MYCBP2: variants seen among roughly 807,000 people sequenced by gnomAD.
MYCBP2 encodes MYC binding protein 2.
A neutral mutation model predicts 525.3 loss-of-function variants in MYCBP2; 120 were observed. The observed-to-expected ratio is 0.23, with a 90% CI of 0.20 to 0.27. The LOEUF (loss-of-function observed/expected upper bound fraction) is 0.27, where lower values mean the gene tolerates loss of function less well. Ranked by LOEUF, MYCBP2 falls within the 10% of genes least tolerant of loss-of-function variation. The probability of loss-of-function intolerance (pLI) is 1.00; values close to 1 mark genes in which losing one functional copy is unlikely to be tolerated. For missense variants in MYCBP2, 4,149 were observed against 5,657.1 expected, an observed-to-expected ratio of 0.73 and a Z score of 8.55; for synonymous variants, 1,894 against 1,955.8, an observed-to-expected ratio of 0.97 and a Z score of 0.83.
chr13:77,292,975 A>T (rs2077654761), intron 2 of MYCBP2, among the ~76,000 whole-genome samples: 1 of 151,128 alleles, frequency 6.6e-6, no homozygotes, highest in Non-Finnish European at 1.5e-5. Context: ...AAAAAAAAAA[A>T]AAGAAAGAAA....
At chr13:77,302,649 C>T (rs1261917987) in intron 1 of MYCBP2, among the ~76,000 whole-genome samples, 1 of 152,112 alleles carries the variant, frequency 6.6e-6, no homozygotes, top group Non-Finnish European at 1.5e-5. Flanking sequence ...GAAGGAAAGT[C>T]TTCCTTTAAT....
At chr13:77,155,504 G>A (rs901610980) in intron 46 of MYCBP2, among the ~76,000 whole-genome samples, 6 of 152,028 alleles carry the variant, frequency 3.9e-5, no homozygotes, top group Admixed American at 6.5e-5. Flanking sequence ...AAATAATTAT[G>A]TATAATATGC....
Position 77,078,908 on chromosome 13 carries a change from A to C in MYCBP2, c.11419-19T>G. 1 of 1,586,514 alleles carries C rather than the reference A, an allele frequency of 6.3e-7. No homozygotes were observed. The stretch of plus-strand genomic sequence containing the variant: ...CTTTATTCTGAAATAGACAATTCAC[A>C]ATAGTTAATATGCTATATTCCTGCT... On this transcript the variant is annotated intron_variant, in intron 65 of 82. Transcript: ENST00000544440.
chr13:77,315,734 A>C (rs1200574052), intron 1 of MYCBP2, among the ~76,000 whole-genome samples: 2 of 151,990 alleles, frequency 1.3e-5, no homozygotes, highest in African/African-American at 4.8e-5. Context: ...ATCTCTACTA[A>C]AAATACAAAA....
chr13:77,117,039 TTTTCC>T (rs1566591337), intron 55 of MYCBP2, among the ~76,000 whole-genome samples: 1 of 152,042 alleles, frequency 6.6e-6, no homozygotes, highest in Non-Finnish European at 1.5e-5. Flanking sequence ...ATCCTGATAT[TTTTCC>T]TTTGTTTTTC....
At chr13:77,113,091 A>T (rs973675406) in intron 55 of MYCBP2, among the ~76,000 whole-genome samples, 1 of 152,170 alleles carries the variant, frequency 6.6e-6, no homozygotes, top group African/African-American at 2.4e-5. Context: ...TGGACTCAAT[A>T]AAATACTTTG....
Position 77,267,899 on chromosome 13 carries a change from C to T in MYCBP2, c.1299G>A (p.Met433Ile). ...LLYRDVNNHS[M>I]TAIRISPETL... is the part of the protein sequence containing the mutation. ...TTTCAGGGCTTATCCTTATGGCTGT[C>T]ATGCTGTGGTTATTCACATCTCTAT... The change falls in exon 8 of 83, where the codon ATG (methionine) becomes ATA (isoleucine). Residue 433 changes from methionine to isoleucine, a missense_variant. Transcript: ENST00000544440. The T allele has an allele frequency of 6.2e-7, 1 of 1,613,846 alleles. No homozygotes were observed. The highest frequency in any genetic ancestry group is 8.5e-7 in the Non-Finnish European group (1 of 1,179,886).
intron 27 of MYCBP2, among the ~76,000 whole-genome samples, chr13:77,193,952 A>C (rs1262364993): frequency 6.6e-6 from 1 of 152,176 alleles, no homozygotes; most frequent in Non-Finnish European, 1.5e-5. Context: ...GACTTATGAA[A>C]TAAATTTATG....
In MYCBP2 at chr13:77,191,785, G is replaced by T. The variant is rs1044790769; in HGVS notation, c.3964C>A (p.Pro1322Thr). Reference sequence around the variant, plus strand: ...CACCACCCAGCTTGCAGGAGAACAGGCTCATCAAACATCATTGCATATTTT... The same window carrying T: ...CACCACCCAGCTTGCAGGAGAACAGTCTCATCAAACATCATTGCATATTTT... ...REKYAMMFDE[P>T]VLLQAGWWYV... Residue 1322 changes from proline to threonine, a missense_variant, in exon 28 of 83, where the codon CCT (proline) becomes ACT (threonine). Physicochemically the swap from Pro to Thr is conservative, Grantham distance 38. This residue lies in a region of MYCBP2 where 620 missense variants were observed against 795.5 expected (regional missense o/e 0.78). Coordinates refer to ENST00000544440, the MANE Select transcript of MYCBP2 (RefSeq NM_015057.5). 7 of 1,613,858 alleles carry T rather than the reference G, an allele frequency of 4.3e-6. No homozygotes were observed. Among genetic ancestry groups the T allele is most frequent in the Middle Eastern group, 1.6e-4 (1 of 6,082 alleles).
At chr13:77,270,129 A>T in intron 6 of MYCBP2, 66 bp from the exon 7 acceptor site, 2 of 1,496,900 alleles carry the variant, frequency 1.3e-6, no homozygotes. Flanking sequence ...AAAATAATAC[A>T]AATGGGTGAA....
chr13:77,062,367 A>C (rs1270387519), intron 74 of MYCBP2, among the ~76,000 whole-genome samples: 1 of 152,224 alleles, frequency 6.6e-6, no homozygotes, highest in African/African-American at 2.4e-5. Flanking sequence ...AGAAGAAGAA[A>C]GCTCTTTAAT....
intron 33 of MYCBP2, 32 bp from the exon 34 acceptor site, chr13:77,180,350 T>A (rs767633325): frequency 6.3e-7 from 1 of 1,592,272 alleles, no homozygotes; most frequent in Admixed American, 1.7e-5. Flanking sequence ...TCTAAGGTAT[T>A]GTTTTATTTT....
intron 78 of MYCBP2, among the ~76,000 whole-genome samples, chr13:77,057,834 CTTTTTTTTTTTT>C (rs11419165): frequency 8.3e-6 from 1 of 121,110 alleles, no homozygotes; most frequent in Non-Finnish European, 1.7e-5. Context: ...CAATCAACTG[CTTTTTTTTTTTT>C]TTTTTTTTTT....
intron 76 of MYCBP2, 40 bp from the exon 77 acceptor site, chr13:77,059,666 GT>G: frequency 7.0e-7 from 1 of 1,431,616 alleles, no homozygotes; most frequent in Non-Finnish European, 9.9e-7. Flanking sequence ...TCTTATGGAT[GT>G]TTTCTAGATA....
chr13:77,143,192 T>C (rs770732257), intron 49 of MYCBP2, among the ~76,000 whole-genome samples: 7 of 152,216 alleles, frequency 4.6e-5, no homozygotes, highest in Non-Finnish European at 1.0e-4. Context: ...CTTGACTGGA[T>C]TAAAGAATAC....
chr13:77,095,619 T>A lies in MYCBP2; in HGVS notation c.9955-17A>T. ...TTGTTTGACCTGGCGAAGAAAAAAA[T>A]CAAACTAATCTTTTCTGACTTACAT... is the stretch of plus-strand genomic sequence containing the variant. On this transcript the variant is annotated splice_polypyrimidine_tract_variant and intron_variant, in intron 57 of 82. Coordinates refer to ENST00000544440, the MANE Select transcript of MYCBP2 (RefSeq NM_015057.5). 6.2e-7 allele frequency: 1 copy of A among 1,606,496 alleles called. No homozygotes were observed. The highest frequency in any genetic ancestry group is 8.5e-7 in the Non-Finnish European group (1 of 1,174,832).
intron 56 of MYCBP2, among the ~76,000 whole-genome samples, chr13:77,097,039 A>T (rs1050640466): frequency 2.6e-5 from 4 of 152,216 alleles, no homozygotes; most frequent in Non-Finnish European, 5.9e-5. Context: ...GGAAAATAGT[A>T]AAATCAAAGG....
At position 77,153,769 on chromosome 13, in the gene MYCBP2, C is replaced by G. The variant is rs75451147; in HGVS notation, c.6915+2289G>C. ...AAAATAAACTTTTTTTTTTAATTCA[C>G]AGGAAGTTTCAAAAATAGATGAAAT... On this transcript the variant is annotated intron_variant, in intron 46 of 82. Coordinates refer to ENST00000544440, the MANE Select transcript of MYCBP2 (RefSeq NM_015057.5). 6.1e-3 allele frequency among the ~76,000 whole-genome samples: 921 copies of G among 150,642 alleles called. 9 individuals are homozygous for G. The highest frequency in any genetic ancestry group is 0.046 in the East Asian group (238 of 5,148).
intron 66 of MYCBP2, among the ~76,000 whole-genome samples, chr13:77,078,337 C>G (rs1322074798): frequency 1.3e-5 from 2 of 152,138 alleles, no homozygotes; most frequent in Non-Finnish European, 2.9e-5. Context: ...AGTAAGGGAG[C>G]TTGAGCACAG....
Sources: allele counts gnomAD v4.1 joint callset (sites outside exome capture counted in the v4.1 genomes callset), GRCh38; gene constraint gnomAD v4.1.1; regional missense constraint gnomAD v4.1.1; transcripts MANE v1.5; gene names NCBI Gene and HGNC (gene_info 2026-07-23, HGNC 2026-07-21).